Variants in GPM6A observed in about 807,000 individuals in gnomAD.
The protein encoded by GPM6A is neuronal membrane glycoprotein M6-a.
A neutral mutation model predicts 32.1 loss-of-function variants in GPM6A; 7 were observed. The ratio of observed to expected loss-of-function variants is 0.22; its 90% CI spans 0.12 to 0.41. The LOEUF (loss-of-function observed/expected upper bound fraction) is 0.41. Among genes scored for constraint, GPM6A ranks in the 10% least tolerant of loss-of-function variants. The pLI is 1.00. For synonymous variants in GPM6A, 130 were observed against 123.4 expected (o/e 1.05, Z -0.35); for missense variants, 235 against 347.2 (o/e 0.68, Z 2.57).
At chr4:175,654,369 T>C (rs1221929363) in intron 3 of GPM6A, 1 of 152,156 alleles carries the variant, frequency 6.6e-6, no homozygotes, top group Non-Finnish European at 1.5e-5. Flanking sequence ...GAAATAACTC[T>C]AAACTGGCTT....
chr4:175,978,052 A>T (rs967778811), intron 1 of GPM6A, among the ~76,000 whole-genome samples: 1 of 152,184 alleles, frequency 6.6e-6, no homozygotes, highest in South Asian at 2.1e-4. Flanking sequence ...TGCTAAACAA[A>T]GTTTTAAGAA....
At chr4:175,820,923 C>A (rs1735260240) in intron 1 of GPM6A, among the ~76,000 whole-genome samples, 2 of 152,100 alleles carry the variant, frequency 1.3e-5, no homozygotes, top group South Asian at 2.1e-4. Context: ...TTTCTAATTT[C>A]TAAACAACTG....
intron 1 of GPM6A, among the ~76,000 whole-genome samples, chr4:175,796,785 CAAAG>C (rs997434659): frequency 6.6e-6 from 1 of 152,142 alleles, no homozygotes; most frequent in African/African-American, 2.4e-5. Flanking sequence ...AGTTCAAAAA[CAAAG>C]AAGCAAACAG....
At chr4:175,898,853 A>G (rs1737870926) in intron 1 of GPM6A, among the ~76,000 whole-genome samples, 1 of 152,238 alleles carries the variant, frequency 6.6e-6, no homozygotes, top group African/African-American at 2.4e-5. Context: ...GATGCTGTCC[A>G]TGAACCTATA....
At chr4:175,945,214 G>T (rs574158952) in intron 1 of GPM6A, among the ~76,000 whole-genome samples, 121 of 152,166 alleles carry the variant, frequency 8.0e-4, no homozygotes, top group Non-Finnish European at 1.1e-3. Flanking sequence ...CTTAATTTCT[G>T]GAATAACTTC....
chr4:175,674,291 C>A (rs1184448307), intron 2 of GPM6A, among the ~76,000 whole-genome samples: 1 of 152,142 alleles, frequency 6.6e-6, no homozygotes, highest in African/African-American at 2.4e-5. Context: ...GATTCTCCTG[C>A]CTCAGCCTCC....
At chr4:175,652,715 T>C (rs1279193068) in intron 3 of GPM6A, among the ~76,000 whole-genome samples, 1 of 152,128 alleles carries the variant, frequency 6.6e-6, no homozygotes, top group African/African-American at 2.4e-5. Context: ...ATACTTAGTT[T>C]AAGCATGGAT....
At chr4:175,809,150 T>C (rs1195934980) in intron 1 of GPM6A, among the ~76,000 whole-genome samples, 1 of 152,194 alleles carries the variant, frequency 6.6e-6, no homozygotes, top group Non-Finnish European at 1.5e-5. Context: ...ACGTATTTTC[T>C]CGTAAGATTT....
intron 1 of GPM6A, among the ~76,000 whole-genome samples, chr4:175,831,120 G>C (rs191944838): frequency 1.7e-3 from 256 of 152,154 alleles, no homozygotes; most frequent in Non-Finnish European, 1.5e-3. Context: ...TAAAGCCAGA[G>C]TTTTATCAAA....
chr4:175,970,730 T>C (rs1027843809), intron 1 of GPM6A: 6 of 383,124 alleles, frequency 1.6e-5, no homozygotes, highest in South Asian at 1.0e-4. Context: ...AAACTTCTTA[T>C]GTTGAAATAA....
chr4:175,836,359 T>A (rs538034796), intron 1 of GPM6A, among the ~76,000 whole-genome samples: 1 of 152,302 alleles, frequency 6.6e-6, no homozygotes, highest in East Asian at 1.9e-4. Flanking sequence ...GTCAGAAATT[T>A]TTTTTAGGTG....
chr4:175,971,897 G>A (rs565953667), intron 1 of GPM6A: 1 of 152,282 alleles, frequency 6.6e-6, no homozygotes, highest in East Asian at 1.9e-4. Flanking sequence ...TCAGTGATGG[G>A]ATCTCTTGCT....
At chr4:175,764,008 T>C (rs1560920392) in intron 1 of GPM6A, among the ~76,000 whole-genome samples, 1 of 152,210 alleles carries the variant, frequency 6.6e-6, no homozygotes, top group Non-Finnish European at 1.5e-5. Flanking sequence ...GTCCCTTTTG[T>C]ACTGAGGTAA....
At chr4:175,705,108 A>C (rs1454245916) in intron 1 of GPM6A, among the ~76,000 whole-genome samples, 1 of 152,236 alleles carries the variant, frequency 6.6e-6, no homozygotes, top group Non-Finnish European at 1.5e-5. Context: ...GGAGTTCTGC[A>C]TCAGAGCATC....
intron 3 of GPM6A, among the ~76,000 whole-genome samples, chr4:175,659,731 T>A (rs1167868490): frequency 6.6e-6 from 1 of 152,178 alleles, no homozygotes; most frequent in Admixed American, 6.5e-5. Context: ...CTCTTGTGCT[T>A]AGATGGGGAA....
At chr4:175,637,328 TATATATTATATATTATATA>T (rs1740761656) in intron 6 of GPM6A, among the ~76,000 whole-genome samples, 1 of 76,206 alleles carries the variant, frequency 1.3e-5, no homozygotes, top group Admixed American at 2.4e-4. Flanking sequence ...AAATATATAT[TATATATTATATATTATATA>T]AAAATATATA....
intron 1 of GPM6A, among the ~76,000 whole-genome samples, chr4:175,911,424 A>G (rs547397365): frequency 6.6e-6 from 1 of 152,312 alleles, no homozygotes; most frequent in Admixed American, 6.5e-5. Flanking sequence ...ACACCTTGGA[A>G]TATGTTAGCT....
At chr4:175,833,243 C>T (rs565961719) in intron 1 of GPM6A, among the ~76,000 whole-genome samples, 1 of 152,148 alleles carries the variant, frequency 6.6e-6, no homozygotes, top group East Asian at 1.9e-4. Flanking sequence ...GGTGGGCGGG[C>T]TAAAGAAAGA....
chr4:175,752,876 CAG>C (rs1430230071), intron 1 of GPM6A, among the ~76,000 whole-genome samples: 3 of 152,158 alleles, frequency 2.0e-5, no homozygotes, highest in African/African-American at 4.8e-5. Context: ...GCTCCATCTG[CAG>C]AGAGTGAGAC....
Sources: gnomAD v4.1 joint callset for allele counts (sites outside exome capture counted in the v4.1 genomes callset) on GRCh38, gnomAD v4.1.1 for gene constraint, MANE v1.5 for transcripts, NCBI Gene and HGNC (gene_info 2026-07-23, HGNC 2026-07-21) for gene names.